The following CWC22 variants were observed in gnomAD, a reference collection of about 807,000 sequenced individuals.
CWC22 encodes CWC22 spliceosome associated protein.
CWC22 carries 53 observed loss-of-function variants against 117.2 expected under a neutral mutation model. That is an observed-to-expected ratio of 0.45 (90% CI 0.36 to 0.57). The LOEUF (loss-of-function observed/expected upper bound fraction) is 0.57, where lower values mean the gene tolerates loss of function less well. CWC22 is among the 20% of genes least tolerant of loss of function. CWC22 has a pLI of 0.00. For missense variants in CWC22, 980 were observed against 1,068.8 expected, an observed-to-expected ratio of 0.92 and a Z score of 1.16; for synonymous variants, 360 against 355.6, an observed-to-expected ratio of 1.01 and a Z score of -0.14.
chr2:180,006,617 G>A (rs1164296585), intron 1 of CWC22, among the ~76,000 whole-genome samples: 2 of 152,164 alleles, frequency 1.3e-5, no homozygotes, highest in African/African-American at 4.8e-5. Context: ...AAGAGTGCAA[G>A]TAATTCAACT....
At chr2:179,965,525 T>A (rs1053651202) in intron 12 of CWC22, among the ~76,000 whole-genome samples, 1 of 152,248 alleles carries the variant, frequency 6.6e-6, no homozygotes, top group African/African-American at 2.4e-5. Flanking sequence ...CAGGGCTACA[T>A]AAATCACATG....
Position 179,973,847 on chromosome 2 carries a change from A to G in CWC22, c.582-45T>C, listed in dbSNP as rs530150429. 3.4e-6 allele frequency: 4 copies of G among 1,189,210 alleles called. No homozygotes were observed. In the African/African-American group the frequency reaches 6.3e-5, roughly 19 times the overall value. The allele number at this position is 1,189,210 out of a possible 1,614,324, so 73.7% of individuals were successfully genotyped here. Reference sequence around the variant, plus strand: ...AAAAGGAGTCAACAATAATCACCAAATTAATTAAACGAAACAAAAACTATT... The same window carrying G: ...AAAAGGAGTCAACAATAATCACCAAGTTAATTAAACGAAACAAAAACTATT... On this transcript the variant is annotated intron_variant, in intron 6 of 19. Transcript: ENST00000410053.
At chr2:179,996,563 A>G (rs928420082) in intron 1 of CWC22, among the ~76,000 whole-genome samples, 1 of 152,226 alleles carries the variant, frequency 6.6e-6, no homozygotes, top group Non-Finnish European at 1.5e-5. Flanking sequence ...AACTAAATAG[A>G]CCATGTTCTC....
intron 1 of CWC22, among the ~76,000 whole-genome samples, chr2:179,997,048 A>C (rs1687722209): frequency 6.6e-6 from 1 of 152,188 alleles, no homozygotes; most frequent in Admixed American, 6.5e-5. Flanking sequence ...GAAATGAAGA[A>C]TACTGTAAAT....
intron 13 of CWC22, among the ~76,000 whole-genome samples, chr2:179,961,097 C>T (rs773936896): frequency 6.6e-6 from 1 of 151,500 alleles, no homozygotes; most frequent in South Asian, 2.1e-4. Flanking sequence ...TTATAAATAC[C>T]GCATATAAAA....
intron 4 of CWC22, among the ~76,000 whole-genome samples, chr2:179,986,028 T>C (rs1286439396): frequency 6.6e-6 from 1 of 152,102 alleles, no homozygotes; most frequent in Non-Finnish European, 1.5e-5. Flanking sequence ...GAAACATGAA[T>C]GGCACTTAAT....
chr2:179,958,105 C>T (rs1163207489), intron 14 of CWC22, among the ~76,000 whole-genome samples: 6 of 151,846 alleles, frequency 4.0e-5, no homozygotes, highest in African/African-American at 9.7e-5. Context: ...CCGAGGCAGG[C>T]AGATCACCTG....
At chr2:179,988,380 A>T (rs932063503) in intron 3 of CWC22, among the ~76,000 whole-genome samples, 197 bp downstream of exon 3, 2 of 152,192 alleles carry the variant, frequency 1.3e-5, no homozygotes, top group Non-Finnish European at 2.9e-5. Flanking sequence ...ATTACATAAT[A>T]TCTGGAATTA....
chr2:179,963,061 C>G (rs1490697565), intron 13 of CWC22, among the ~76,000 whole-genome samples: 3 of 152,018 alleles, frequency 2.0e-5, no homozygotes, highest in African/African-American at 7.2e-5. Flanking sequence ...GTGGCTATTA[C>G]TTGTTTTTTA....
At chr2:179,985,519 CTTTAGTGAAG>C (rs1427509666) in intron 4 of CWC22, among the ~76,000 whole-genome samples, 3 of 151,940 alleles carry the variant, frequency 2.0e-5, no homozygotes, top group African/African-American at 7.2e-5. Flanking sequence ...TACAGAGGCC[CTTTAGTGAAG>C]TTTTAAAGGG....
chr2:179,965,817 A>C (rs559311366), intron 12 of CWC22, 61 bp downstream of exon 12: 4 of 1,240,164 alleles, frequency 3.2e-6, no homozygotes, highest in Non-Finnish European at 1.1e-6. Context: ...GTTTTAGAAG[A>C]TTACATTAGA....
intron 1 of CWC22, among the ~76,000 whole-genome samples, chr2:179,998,044 A>G (rs1687752237): frequency 6.6e-6 from 1 of 152,168 alleles, no homozygotes; most frequent in South Asian, 2.1e-4. Context: ...AAATGGGCAG[A>G]AAGTGTAGGG....
intron 19 of CWC22, among the ~76,000 whole-genome samples, chr2:179,946,770 G>A (rs1207622281): frequency 6.6e-6 from 1 of 152,082 alleles, no homozygotes; most frequent in Non-Finnish European, 1.5e-5. Context: ...TTGCTTAACA[G>A]CATGAACATA....
At position 179,973,184 on chromosome 2, in the gene CWC22, A is replaced by G; in HGVS notation, c.804+9T>C. 1 of 1,586,050 alleles carries G rather than the reference A, an allele frequency of 6.3e-7. No homozygotes were observed. Among genetic ancestry groups the G allele is most frequent in the Non-Finnish European group, 8.6e-7 (1 of 1,162,166 alleles). On this transcript the variant is annotated intron_variant, in intron 8 of 19. Transcript: ENST00000410053. ...TGAATGGGACCAAGTATTGAAGATA[A>G]TTACTTACCACATTTTGGTTAATAA... is the stretch of plus-strand genomic sequence containing the variant.
chr2:179,997,364 T>A (rs1687731754), intron 1 of CWC22, among the ~76,000 whole-genome samples: 1 of 152,028 alleles, frequency 6.6e-6, no homozygotes, highest in South Asian at 2.1e-4. Context: ...GGCTACAAAT[T>A]AAAATAGAAT....
At chr2:179,968,482 C>G (rs1686946789) in intron 11 of CWC22, among the ~76,000 whole-genome samples, 1 of 151,732 alleles carries the variant, frequency 6.6e-6, no homozygotes, top group Admixed American at 6.6e-5. Flanking sequence ...AGACAGTAAA[C>G]TTTACAAATA....
At chr2:180,004,201 T>C (rs143419108) in intron 1 of CWC22, among the ~76,000 whole-genome samples, 6 of 152,194 alleles carry the variant, frequency 3.9e-5, no homozygotes, top group Admixed American at 6.5e-5. Flanking sequence ...AGGGATATGA[T>C]GAGTAGTACA....
intron 14 of CWC22, among the ~76,000 whole-genome samples, chr2:179,956,898 C>A (rs1003982311): frequency 6.6e-6 from 1 of 151,860 alleles, no homozygotes; most frequent in African/African-American, 2.4e-5. Context: ...AAACAAATTA[C>A]CTTCTTCCCT....
chr2:179,950,987 C>T (rs1686432793), intron 17 of CWC22, 61 bp from the exon 18 acceptor site: 1 of 1,060,766 alleles, frequency 9.4e-7, no homozygotes, highest in Non-Finnish European at 1.4e-6. Flanking sequence ...AGGTAAAATC[C>T]TTAGTCATTT....
Sources: gnomAD v4.1 joint callset for allele counts (sites outside exome capture counted in the v4.1 genomes callset) on GRCh38, gnomAD v4.1.1 for gene constraint, MANE v1.5 for transcripts, NCBI Gene and HGNC (gene_info 2026-07-23, HGNC 2026-07-21) for gene names.